Variants in SNX25 observed in about 807,000 individuals in gnomAD.
SNX25 encodes the protein sorting nexin 25, also known as sorting nexin-25.
A neutral mutation model predicts 113.7 loss-of-function variants in SNX25; 62 were observed. The ratio of observed to expected loss-of-function variants is 0.55; its 90% CI spans 0.44 to 0.67. The LOEUF (loss-of-function observed/expected upper bound fraction) is 0.67, where lower values mean the gene tolerates loss of function less well. Among genes scored for constraint, SNX25 ranks in the 30% least tolerant of loss-of-function variants. The pLI, the probability that SNX25 is intolerant of heterozygous loss-of-function variation, is 0.00. For missense variants in SNX25, 1,014 were observed against 1,161.0 expected (o/e 0.87, Z 1.84); for synonymous variants, 421 against 436.2 (o/e 0.97, Z 0.43).
At chr4:185,360,073 C>T (rs1482726775) in intron 16 of SNX25, among the ~76,000 whole-genome samples, 1 of 152,156 alleles carries the variant, frequency 6.6e-6, no homozygotes, top group African/African-American at 2.4e-5. Flanking sequence ...AAGCATCAGA[C>T]AGGTTTCAGC....
At chr4:185,253,270 C>G (rs748515348) in intron 2 of SNX25, among the ~76,000 whole-genome samples, 8 of 152,056 alleles carry the variant, frequency 5.3e-5, no homozygotes, top group Non-Finnish European at 1.0e-4. Context: ...AATTCTTTTT[C>G]AAGACCTTGG....
chr4:185,273,075 A>G (rs1384082900), intron 5 of SNX25, among the ~76,000 whole-genome samples: 1 of 152,166 alleles, frequency 6.6e-6, no homozygotes, highest in Non-Finnish European at 1.5e-5. Context: ...TCTTAGGGGG[A>G]AAAGCTGCAC....
At chr4:185,369,077 A>G (rs1427326842) in intron 11 of SNX25, among the ~76,000 whole-genome samples, 2 of 152,010 alleles carry the variant, frequency 1.3e-5, no homozygotes, top group African/African-American at 4.8e-5. Context: ...TACAGGCATG[A>G]GCCACGGTAC....
chr4:185,243,412 C>G (rs1461817863), intron 1 of SNX25, among the ~76,000 whole-genome samples: 6 of 152,036 alleles, frequency 3.9e-5, no homozygotes, highest in Non-Finnish European at 4.4e-5. Flanking sequence ...GAGTTCAAGA[C>G]CAACCTGGGC....
chr4:185,283,790 A>G (rs1432060179), intron 5 of SNX25, among the ~76,000 whole-genome samples: 1 of 152,190 alleles, frequency 6.6e-6, no homozygotes, highest in East Asian at 1.9e-4. Flanking sequence ...TATTATGAGG[A>G]TTAAGTGAGA....
At chr4:185,218,368 A>T (rs1215164407) in intron 1 of SNX25, among the ~76,000 whole-genome samples, 2 of 152,230 alleles carry the variant, frequency 1.3e-5, no homozygotes, top group Non-Finnish European at 2.9e-5. Flanking sequence ...TACAGGCATG[A>T]GCCACCACTC....
intron 2 of SNX25, among the ~76,000 whole-genome samples, chr4:185,248,967 A>C (rs552788280): frequency 2.0e-5 from 3 of 152,196 alleles, no homozygotes; most frequent in Non-Finnish European, 4.4e-5. Flanking sequence ...AGATTCATCC[A>C]TATTGTGTAT....
intron 7 of SNX25, among the ~76,000 whole-genome samples, chr4:185,317,713 C>T (rs956994309): frequency 4.6e-5 from 7 of 152,002 alleles, no homozygotes; most frequent in African/African-American, 1.5e-4. Flanking sequence ...CATGTTTTCA[C>T]TCATAAGTGG....
At chr4:185,261,670 G>A (rs3112856) in intron 3 of SNX25, among the ~76,000 whole-genome samples, 6,500 of 152,194 alleles carry the variant, frequency 0.043, 462 homozygotes, top group African/African-American at 0.15. Context: ...TATGGATAAA[G>A]CATCAGAATA....
chr4:185,263,496 T>A (rs1192936565), intron 3 of SNX25, among the ~76,000 whole-genome samples: 1 of 152,180 alleles, frequency 6.6e-6, no homozygotes, highest in Non-Finnish European at 1.5e-5. Context: ...TAGAATTCCT[T>A]CAGGTTGTAC....
intron 8 of SNX25, among the ~76,000 whole-genome samples, chr4:185,322,395 A>G (rs1202245195): frequency 1.3e-5 from 2 of 151,988 alleles, no homozygotes; most frequent in Non-Finnish European, 2.9e-5. Flanking sequence ...TCACGCCACT[A>G]CACTCCAGCC....
Position 185,247,192 on chromosome 4 carries a change from T to A in SNX25, c.430-102T>A, listed in dbSNP as rs998669180. ...AACTTCTGTTATTCGTTAAGCCTTA[T>A]CTTAATGCTTGTTTAGATGGCATTT... On this transcript the variant is annotated intron_variant, in intron 1 of 18. Coordinates refer to ENST00000652585, the MANE Select transcript of SNX25 (RefSeq NM_001378034.2). The A allele has an allele frequency of 5.1e-5, 39 of 768,534 alleles. 1 individual carries two copies. In the Admixed American group the frequency reaches 1.0e-3, roughly 20 times the overall value. 47.6% of individuals were successfully genotyped at this position (768,534 alleles called of 1,614,324 possible).
intron 6 of SNX25, among the ~76,000 whole-genome samples, chr4:185,294,774 G>C (rs904325442): frequency 2.0e-5 from 3 of 151,854 alleles, no homozygotes; most frequent in Non-Finnish European, 2.9e-5. Flanking sequence ...TTCATATGTA[G>C]GTGCTTTCAA....
chr4:185,372,787 C>T, downstream of SNX25: 2 of 1,320,618 alleles, frequency 1.5e-6, no homozygotes, highest in Non-Finnish European at 2.1e-6. Flanking sequence ...AAATAAATTT[C>T]TGTTTCTCAT....
intron 2 of SNX25, among the ~76,000 whole-genome samples, chr4:185,257,015 G>A (rs767937508): frequency 6.6e-6 from 1 of 152,018 alleles, no homozygotes; most frequent in South Asian, 2.1e-4. Flanking sequence ...TATTTGACAC[G>A]TATAGGTTAG....
At chr4:185,340,827 A>T (rs1387279972) in intron 11 of SNX25, among the ~76,000 whole-genome samples, 1 of 152,132 alleles carries the variant, frequency 6.6e-6, no homozygotes, top group Non-Finnish European at 1.5e-5. Context: ...CTGGCTGGTG[A>T]AAAGATAGTG....
At chr4:185,367,093 G>T, downstream of SNX25, 2 of 1,143,872 alleles carry the variant, frequency 1.7e-6, no homozygotes, top group Non-Finnish European at 2.6e-6. Context: ...AATTTGTGAT[G>T]TGCAAAATAA....
chr4:185,308,630 C>T (rs867604634), intron 6 of SNX25, among the ~76,000 whole-genome samples: 2 of 152,170 alleles, frequency 1.3e-5, no homozygotes, highest in African/African-American at 2.4e-5. Flanking sequence ...GTTTAATGAG[C>T]GTCTCCTTTG....
At chr4:185,343,905 G>A (rs2095272344) in intron 12 of SNX25, among the ~76,000 whole-genome samples, 1 of 151,988 alleles carries the variant, frequency 6.6e-6, no homozygotes, top group Admixed American at 6.6e-5. Context: ...GGGGAGGAGT[G>A]GGCAAAATTC....
Sources: allele counts gnomAD v4.1 joint callset (sites outside exome capture counted in the v4.1 genomes callset), GRCh38; gene constraint gnomAD v4.1.1; transcripts MANE v1.5; gene names NCBI Gene and HGNC (gene_info 2026-07-23, HGNC 2026-07-21).